Variants in ARHGAP24 observed in about 807,000 individuals in gnomAD.
ARHGAP24 encodes rho GTPase-activating protein 24.
ARHGAP24 carries 50 observed loss-of-function variants against 76.4 expected under a neutral mutation model. That is an observed-to-expected ratio of 0.65 (90% CI 0.52 to 0.83). The LOEUF is 0.83. ARHGAP24 is among the 40% of genes least tolerant of loss of function. The pLI is 0.00. For missense variants in ARHGAP24, 930 were observed against 914.2 expected (o/e 1.02, Z -0.22); for synonymous variants, 345 against 323.3 (o/e 1.07, Z -0.72).
intron 2 of ARHGAP24, among the ~76,000 whole-genome samples, chr4:85,651,703 G>A (rs1721951342): frequency 7.3e-6 from 1 of 137,184 alleles, no homozygotes; most frequent in South Asian, 2.1e-4. Context: ...TAGGTCATAA[G>A]TGCTCTTAAA....
At chr4:85,797,682 T>C (rs1054110652) in intron 3 of ARHGAP24, among the ~76,000 whole-genome samples, 3 of 152,208 alleles carry the variant, frequency 2.0e-5, no homozygotes, top group Non-Finnish European at 4.4e-5. Context: ...CAGAACAAAA[T>C]TTCTCTTCTT....
chr4:85,580,811 G>A (rs1205123137), intron 2 of ARHGAP24, among the ~76,000 whole-genome samples: 4 of 152,116 alleles, frequency 2.6e-5, no homozygotes, highest in South Asian at 4.1e-4. Context: ...CACAGTGATC[G>A]TATCTGACTG....
At chr4:85,821,914 T>C (rs1729489954) in intron 3 of ARHGAP24, among the ~76,000 whole-genome samples, 1 of 152,208 alleles carries the variant, frequency 6.6e-6, no homozygotes, top group Non-Finnish European at 1.5e-5. Context: ...AGATAAAACA[T>C]ATGTAAAAGT....
rs370571889 is a variant in ARHGAP24, at chr4:85,655,766, C to CATATATATATAT, written c.181-66103_181-66092dup. Among the ~76,000 whole-genome samples the CATATATATATAT allele has an allele frequency of 3.8e-4, 26 of 69,026 alleles. 1 individual carries two copies. Among genetic ancestry groups the CATATATATATAT allele is most frequent in the African/African-American group, 2.5e-3 (25 of 9,958 alleles). The allele number at this position is 69,026 out of a possible 152,430, so 45.3% of individuals were successfully genotyped here. The stretch of plus-strand genomic sequence containing the variant: ...CAGCCTGGGTGACAGAGTGAGACTC[C>CATATATATATAT]ATATATATATATATATATATATATA... On this transcript the variant is annotated intron_variant, in intron 2 of 9. Coordinates refer to ENST00000395184, the MANE Select transcript of ARHGAP24 (RefSeq NM_001025616.3).
chr4:85,671,407 A>C (rs1375930865), intron 2 of ARHGAP24, among the ~76,000 whole-genome samples: 2 of 152,238 alleles, frequency 1.3e-5, no homozygotes, highest in Admixed American at 6.5e-5. Flanking sequence ...CTAAGAAATC[A>C]AATGAATATT....
In ARHGAP24 at chr4:85,728,248, A is replaced by T. The variant is rs985685670; in HGVS notation, c.268+6276A>T. ...TCCTTTTGCCAAAAAAAAAAAAAAA[A>T]AAAAAGGCAAATACCTACCAAAATT... On this transcript the variant is annotated intron_variant, in intron 3 of 9. Coordinates refer to ENST00000395184, the MANE Select transcript of ARHGAP24 (RefSeq NM_001025616.3). Among the ~76,000 whole-genome samples the T allele has an allele frequency of 1.7e-4, 26 of 151,646 alleles. No homozygotes were observed. In the East Asian group the frequency reaches 5.0e-3, roughly 29 times the overall value.
chr4:85,613,424 C>T (rs72982059), intron 2 of ARHGAP24, among the ~76,000 whole-genome samples: 3,757 of 152,212 alleles, frequency 0.025, 167 homozygotes, highest in African/African-American at 0.086. Context: ...CATTATAATA[C>T]GTATATATAC....
At chr4:85,705,320 ACT>A (rs762245016) in intron 2 of ARHGAP24, among the ~76,000 whole-genome samples, 5 of 152,124 alleles carry the variant, frequency 3.3e-5, no homozygotes, top group African/African-American at 4.8e-5. Context: ...TAATTTTTTG[ACT>A]CTAACAAGAA....
At chr4:85,602,326 T>G (rs1309945969) in intron 2 of ARHGAP24, among the ~76,000 whole-genome samples, 2 of 152,090 alleles carry the variant, frequency 1.3e-5, no homozygotes, top group African/African-American at 4.8e-5. Context: ...AACGCAAAAA[T>G]TTAAGAGCAG....
chr4:85,839,818 C>A (rs1405920127), intron 3 of ARHGAP24, among the ~76,000 whole-genome samples: 2 of 147,860 alleles, frequency 1.4e-5, no homozygotes, highest in South Asian at 2.2e-4. Flanking sequence ...AACTTAGAAA[C>A]TACCAAGTGT....
chr4:85,746,268 G>A (rs533767672), intron 3 of ARHGAP24, among the ~76,000 whole-genome samples: 161 of 152,180 alleles, frequency 1.1e-3, no homozygotes, highest in Non-Finnish European at 1.7e-3. Context: ...TCCTTGTTAA[G>A]AATCATTTAG....
chr4:85,559,471 A>G (rs549894641), intron 1 of ARHGAP24, among the ~76,000 whole-genome samples: 1 of 152,332 alleles, frequency 6.6e-6, no homozygotes, highest in South Asian at 2.1e-4. Context: ...TGTTATAGTC[A>G]TGTTATACAA....
chr4:85,839,571 C>T (rs944682899), intron 3 of ARHGAP24, among the ~76,000 whole-genome samples: 22 of 152,136 alleles, frequency 1.4e-4, no homozygotes, highest in Middle Eastern at 6.8e-3. Context: ...CTGCCTCAGC[C>T]TCCCGAGTAG....
At chr4:85,730,298 C>G (rs1725352024) in intron 3 of ARHGAP24, among the ~76,000 whole-genome samples, 1 of 152,204 alleles carries the variant, frequency 6.6e-6, no homozygotes, top group Admixed American at 6.5e-5. Context: ...TCAGTCCACA[C>G]AAATTCAGGG....
chr4:85,950,624 T>C (rs940292054), intron 5 of ARHGAP24, among the ~76,000 whole-genome samples: 2 of 152,048 alleles, frequency 1.3e-5, no homozygotes, highest in African/African-American at 4.8e-5. Context: ...TATAATAATT[T>C]TTTTTCTTTT....
chr4:85,832,289 G>A (rs566665089), intron 3 of ARHGAP24, among the ~76,000 whole-genome samples: 1 of 152,160 alleles, frequency 6.6e-6, no homozygotes, highest in South Asian at 2.1e-4. Context: ...GGAGTGATTT[G>A]AGCAGAAGGA....
chr4:85,929,554 G>C (rs1044272041), intron 4 of ARHGAP24, among the ~76,000 whole-genome samples: 25 of 152,116 alleles, frequency 1.6e-4, no homozygotes, highest in African/African-American at 6.0e-4. Context: ...ATGGGGGCTG[G>C]GGTGCAGAAA....
At chr4:85,970,181 T>A (rs1738890827) in intron 5 of ARHGAP24, among the ~76,000 whole-genome samples, 1 of 152,188 alleles carries the variant, frequency 6.6e-6, no homozygotes, top group Non-Finnish European at 1.5e-5. Context: ...CTCTGGGCTC[T>A]GACCTTCTTA....
intron 2 of ARHGAP24, among the ~76,000 whole-genome samples, chr4:85,718,216 A>T (rs1238395742): frequency 6.6e-6 from 1 of 152,154 alleles, no homozygotes; most frequent in African/African-American, 2.4e-5. Flanking sequence ...GCAGTAGAGG[A>T]TGTTAAAGTA....
Sources: gnomAD v4.1 joint callset for allele counts (sites outside exome capture counted in the v4.1 genomes callset) on GRCh38, gnomAD v4.1.1 for gene constraint, MANE v1.5 for transcripts, NCBI Gene and HGNC (gene_info 2026-07-23, HGNC 2026-07-21) for gene names.